Variants in LRRC4C observed in about 807,000 individuals in gnomAD.
The protein encoded by LRRC4C is leucine rich repeat containing 4C, also known as leucine-rich repeat-containing protein 4C.
LRRC4C carries 5 observed loss-of-function variants against 33.6 expected under a neutral mutation model. The ratio of observed to expected loss-of-function variants is 0.15; its 90% CI spans 0.08 to 0.31. The LOEUF is 0.31. Ranked by LOEUF, LRRC4C falls within the 10% of genes least tolerant of loss-of-function variation. The pLI is 1.00. For missense variants in LRRC4C, 560 were observed against 796.7 expected (o/e 0.70, Z 3.58); for synonymous variants, 329 against 302.0 (o/e 1.09, Z -0.93).
chr11:41,275,666 T>C (rs1949460924), intron 1 of LRRC4C, among the ~76,000 whole-genome samples: 1 of 152,166 alleles, frequency 6.6e-6, no homozygotes, highest in Non-Finnish European at 1.5e-5. Flanking sequence ...ACATAATGTA[T>C]TGTGTGAGCA....
At chr11:40,244,873 T>A (rs1866206718) in intron 4 of LRRC4C, among the ~76,000 whole-genome samples, 1 of 152,196 alleles carries the variant, frequency 6.6e-6, no homozygotes, top group Admixed American at 6.5e-5. Context: ...TTATTACCAC[T>A]TATATTGTAC....
At chr11:40,792,307 G>T (rs146437323) in intron 2 of LRRC4C, among the ~76,000 whole-genome samples, 1 of 151,788 alleles carries the variant, frequency 6.6e-6, no homozygotes, top group Admixed American at 6.6e-5. Context: ...TTTATTTCTC[G>T]GTAGTGCTAC....
intron 1 of LRRC4C, among the ~76,000 whole-genome samples, chr11:41,020,125 G>A (rs980506083): frequency 6.6e-6 from 1 of 152,054 alleles, no homozygotes; most frequent in African/African-American, 2.4e-5. Context: ...CTAACTACTG[G>A]ATTGATTTTT....
chr11:40,120,941 T>G lies in LRRC4C; in HGVS notation c.-42-4607A>C, dbSNP rs567499274. Among the ~76,000 whole-genome samples, 13 of 152,292 alleles carry G rather than the reference T, an allele frequency of 8.5e-5. No individual in the cohort carries two copies. In the South Asian group the frequency reaches 2.7e-3, roughly 32 times the overall value. Reference sequence around the variant, plus strand: ...ACTTTCCCCATCTGTGAAAGAACACTGTTACCTAGTCAAAAGACTTTGGTT... The same window carrying G: ...ACTTTCCCCATCTGTGAAAGAACACGGTTACCTAGTCAAAAGACTTTGGTT... On this transcript the variant is annotated intron_variant, in intron 6 of 6. Transcript: ENST00000528697.
At chr11:40,198,064 G>A (rs1249096451) in intron 5 of LRRC4C, among the ~76,000 whole-genome samples, 3 of 152,144 alleles carry the variant, frequency 2.0e-5, no homozygotes, top group Non-Finnish European at 2.9e-5. Flanking sequence ...CGTGCCAGCA[G>A]ATATGGCAGC....
intron 3 of LRRC4C, among the ~76,000 whole-genome samples, chr11:40,519,415 A>G (rs1053311573): frequency 3.3e-5 from 5 of 152,188 alleles, no homozygotes; most frequent in Non-Finnish European, 7.3e-5. Context: ...AATAAACTTT[A>G]CCAAAGACAC....
intron 3 of LRRC4C, among the ~76,000 whole-genome samples, chr11:40,328,556 A>G (rs1946203207): frequency 6.6e-6 from 1 of 152,186 alleles, no homozygotes; most frequent in South Asian, 2.1e-4. Flanking sequence ...GACTTCTCTA[A>G]GGCAGACAAG....
chr11:40,423,376 G>GCT (rs1160950364), intron 3 of LRRC4C, among the ~76,000 whole-genome samples: 1 of 119,938 alleles, frequency 8.3e-6, no homozygotes, highest in African/African-American at 3.2e-5. Flanking sequence ...ACGGAGTCTC[G>GCT]CTCTGTCGCC....
intron 3 of LRRC4C, among the ~76,000 whole-genome samples, chr11:40,513,248 CAAAAAAA>C (rs1171178910): frequency 3.6e-5 from 2 of 55,014 alleles, no homozygotes; most frequent in South Asian, 8.1e-4. Flanking sequence ...GACTCCGTCT[CAAAAAAA>C]AAAAAAAAAA....
At chr11:41,422,147 G>A (rs1392922544) in intron 1 of LRRC4C, among the ~76,000 whole-genome samples, 1 of 151,972 alleles carries the variant, frequency 6.6e-6, no homozygotes, top group Non-Finnish European at 1.5e-5. Context: ...GGAGGAAGAG[G>A]TCGTGATTAA....
chr11:41,098,038 T>C (rs1164935605), intron 1 of LRRC4C, among the ~76,000 whole-genome samples: 1 of 152,102 alleles, frequency 6.6e-6, no homozygotes, highest in Non-Finnish European at 1.5e-5. Context: ...TAGAGCTGGA[T>C]TTCCCAATAT....
chr11:40,617,077 A>T (rs890254611), intron 3 of LRRC4C, among the ~76,000 whole-genome samples: 1 of 151,742 alleles, frequency 6.6e-6, no homozygotes, highest in Non-Finnish European at 1.5e-5. Context: ...TGTCTCACCC[A>T]CATCTAGGTG....
intron 1 of LRRC4C, among the ~76,000 whole-genome samples, chr11:41,011,516 A>G (rs1592330353): frequency 6.6e-6 from 1 of 152,138 alleles, no homozygotes; most frequent in African/African-American, 2.4e-5. Flanking sequence ...ACTATAAAGT[A>G]AATAAAATCG....
intron 3 of LRRC4C, among the ~76,000 whole-genome samples, chr11:40,638,889 A>G (rs1166637482): frequency 1.3e-5 from 2 of 151,920 alleles, no homozygotes; most frequent in Non-Finnish European, 2.9e-5. Context: ...CGATGTTGCT[A>G]AAAGAGTTCC....
intron 1 of LRRC4C, among the ~76,000 whole-genome samples, chr11:41,092,004 C>A (rs1345418468): frequency 6.6e-6 from 1 of 151,996 alleles, no homozygotes; most frequent in Admixed American, 6.5e-5. Flanking sequence ...TAAAAATATA[C>A]AAATATAATT....
At chr11:40,978,703 C>A (rs111555800) in intron 1 of LRRC4C, among the ~76,000 whole-genome samples, 337 of 150,964 alleles carry the variant, frequency 2.2e-3, no homozygotes, top group Non-Finnish European at 4.4e-3. Context: ...CTCACTGCAA[C>A]CTCCGCCTCC....
At chr11:40,385,977 G>A (rs1417098089) in intron 3 of LRRC4C, among the ~76,000 whole-genome samples, 1 of 151,056 alleles carries the variant, frequency 6.6e-6, no homozygotes, top group Non-Finnish European at 1.5e-5. Context: ...TCATTTGTAT[G>A]CCAAATCTCA....
chr11:40,903,085 G>T (rs1055486487), intron 2 of LRRC4C, among the ~76,000 whole-genome samples: 1 of 152,130 alleles, frequency 6.6e-6, no homozygotes, highest in Admixed American at 6.6e-5. Flanking sequence ...TGGCTTTAAA[G>T]GTTCAAAGGA....
intron 2 of LRRC4C, among the ~76,000 whole-genome samples, chr11:40,929,758 T>A (rs1267262956): frequency 6.6e-6 from 1 of 152,150 alleles, no homozygotes; most frequent in East Asian, 1.9e-4. Flanking sequence ...AGTTATTCAA[T>A]TCTTAAATGT....
Sources: allele counts gnomAD v4.1 joint callset (sites outside exome capture counted in the v4.1 genomes callset), GRCh38; gene constraint gnomAD v4.1.1; transcripts MANE v1.5; gene names NCBI Gene and HGNC (gene_info 2026-07-23, HGNC 2026-07-21).